CECR2: variants seen among roughly 807,000 people sequenced by gnomAD.
CECR2 encodes the protein chromatin remodeling regulator CECR2.
In CECR2, 30 loss-of-function variants were observed where a neutral mutation model predicts 154.5. That is an observed-to-expected ratio of 0.19 (90% CI 0.15 to 0.26). The LOEUF is 0.26. Among genes scored for constraint, CECR2 ranks in the 10% least tolerant of loss-of-function variants. The pLI is 1.00. For synonymous variants in CECR2, 725 were observed against 683.7 expected, an observed-to-expected ratio of 1.06 and a Z score of -0.94; for missense variants, 1,743 against 1,829.3, an observed-to-expected ratio of 0.95 and a Z score of 0.86.
chr22:17,483,694 G>A (rs948312917), intron 2 of CECR2, among the ~76,000 whole-genome samples: 8 of 152,280 alleles, frequency 5.3e-5, no homozygotes, highest in Middle Eastern at 3.4e-3. Flanking sequence ...ATTTTTAAAT[G>A]TCATAGTAAG....
At chr22:17,495,018 A>T (rs528644396) in intron 2 of CECR2, among the ~76,000 whole-genome samples, 163 of 152,268 alleles carry the variant, frequency 1.1e-3, no homozygotes, top group Non-Finnish European at 2.0e-3. Flanking sequence ...TATTTGCCTA[A>T]GCCTTCTTAA....
intron 8 of CECR2, among the ~76,000 whole-genome samples, chr22:17,522,096 G>A (rs2056169154): frequency 6.6e-6 from 1 of 152,004 alleles, no homozygotes; most frequent in African/African-American, 2.4e-5. Context: ...CCTCTGTTCT[G>A]TTCCATTGGT....
chr22:17,524,305 C>A, intron 9 of CECR2, 34 bp downstream of exon 9: 1 of 1,597,866 alleles, frequency 6.3e-7, no homozygotes, highest in Non-Finnish European at 8.5e-7. Flanking sequence ...TGGAGAGGTG[C>A]ATGTCTGTCG....
chr22:17,378,914 A>C (rs138936749), intron 1 of CECR2, among the ~76,000 whole-genome samples: 1 of 152,284 alleles, frequency 6.6e-6, no homozygotes, highest in East Asian at 1.9e-4. Flanking sequence ...GTCATCAGCA[A>C]TTGTACATGT....
In CECR2 at chr22:17,542,664, C is replaced by A; in HGVS notation, c.2521C>A (p.Arg841=). ...TGGAGTTCCTTCCTCAGGGTACATG[C>A]GACCGCCCTGCAAGTCTGCCGGACA... ...PHGVPSSGYM[R]PPCKSAGHRL... The change falls in exon 16 of 19, where the codon CGA becomes AGA. Residue 841 remains arginine (R), a synonymous_variant. Transcript: ENST00000262608. The A allele has an allele frequency of 6.2e-7, 1 of 1,614,020 alleles. No homozygotes were observed. Among genetic ancestry groups the A allele is most frequent in the Non-Finnish European group, 8.5e-7 (1 of 1,179,902 alleles).
chr22:17,438,694 A>C (rs902888516), intron 1 of CECR2, among the ~76,000 whole-genome samples: 5 of 152,058 alleles, frequency 3.3e-5, no homozygotes, highest in African/African-American at 1.2e-4. Flanking sequence ...GTGGCCCAAA[A>C]CAATTCTTCT....
intron 8 of CECR2, among the ~76,000 whole-genome samples, chr22:17,515,767 C>A (rs1248561577): frequency 1.3e-5 from 2 of 152,050 alleles, no homozygotes; most frequent in African/African-American, 4.8e-5. Context: ...GCTCCACCTC[C>A]CAGGTTCAAG....
intron 1 of CECR2, among the ~76,000 whole-genome samples, chr22:17,458,420 A>G (rs143078728): frequency 0.012 from 1,745 of 151,660 alleles, 27 homozygotes; most frequent in African/African-American, 0.038. Context: ...TCTCCAAAAA[A>G]AAAAAAAAAG....
chr22:17,442,512 G>C (rs2054600224), intron 1 of CECR2, among the ~76,000 whole-genome samples: 1 of 152,118 alleles, frequency 6.6e-6, no homozygotes, highest in African/African-American at 2.4e-5. Context: ...GGAGTTCAAG[G>C]CTTGCAGTGA....
intron 1 of CECR2, among the ~76,000 whole-genome samples, chr22:17,407,147 ACT>A (rs1023346910): frequency 4.1e-4 from 62 of 152,010 alleles, no homozygotes; most frequent in African/African-American, 1.4e-3. Context: ...CTTAAGATAA[ACT>A]CTTTTCATAG....
chr22:17,430,892 A>G (rs2054411276), intron 1 of CECR2, among the ~76,000 whole-genome samples: 1 of 152,178 alleles, frequency 6.6e-6, no homozygotes, highest in Admixed American at 6.5e-5. Flanking sequence ...ATTATTTACC[A>G]TGATTATGCT....
chr22:17,533,590 A>G (rs1341571803), intron 9 of CECR2, among the ~76,000 whole-genome samples: 3 of 150,812 alleles, frequency 2.0e-5, no homozygotes, highest in Non-Finnish European at 3.0e-5. Context: ...AAATCACACC[A>G]TTGCACTCCA....
upstream of CECR2, among the ~76,000 whole-genome samples, chr22:17,365,654 C>G (rs1231614299): frequency 6.6e-6 from 1 of 152,064 alleles, no homozygotes; most frequent in South Asian, 2.1e-4. Flanking sequence ...CAAGATGGCA[C>G]CACTGCACTC....
At chr22:17,512,720 AAAAAGAAAG>A (rs1226261974) in intron 8 of CECR2, among the ~76,000 whole-genome samples, 2,824 of 150,208 alleles carry the variant, frequency 0.019, 85 homozygotes, top group African/African-American at 0.067. Context: ...AAAAAAAAAA[AAAAAGAAAG>A]AAAGAAAAGA....
At chr22:17,506,684 C>T (rs533456803) in intron 7 of CECR2, among the ~76,000 whole-genome samples, 19 of 152,132 alleles carry the variant, frequency 1.2e-4, no homozygotes, top group South Asian at 2.1e-4. Flanking sequence ...GACAGAGACT[C>T]GCTCTGTCAC....
intron 1 of CECR2, among the ~76,000 whole-genome samples, chr22:17,380,629 C>T (rs2063176350): frequency 6.6e-6 from 1 of 152,120 alleles, no homozygotes; most frequent in Non-Finnish European, 1.5e-5. Context: ...CTGTGTGTAC[C>T]CTCCCTTGCT....
chr22:17,364,260 G>A (rs866694729), intron 1 of CECR2, among the ~76,000 whole-genome samples: 3 of 150,002 alleles, frequency 2.0e-5, no homozygotes, highest in Non-Finnish European at 4.4e-5. Context: ...GGAGAATGGC[G>A]TGAACCTGGG....
chr22:17,376,454 A>G (rs1468967465), intron 1 of CECR2, among the ~76,000 whole-genome samples: 2 of 151,882 alleles, frequency 1.3e-5, no homozygotes, highest in African/African-American at 2.4e-5. Flanking sequence ...CCTTTGATCA[A>G]GGGAGCTCAG....
chr22:17,541,061 G>A (rs186546063), intron 14 of CECR2, among the ~76,000 whole-genome samples: 36 of 152,260 alleles, frequency 2.4e-4, no homozygotes, highest in African/African-American at 8.4e-4. Context: ...TGGGATTATA[G>A]GCATGAGCCA....
Sources: allele counts gnomAD v4.1 joint callset (sites outside exome capture counted in the v4.1 genomes callset), GRCh38; gene constraint gnomAD v4.1.1; transcripts MANE v1.5; gene names NCBI Gene and HGNC (gene_info 2026-07-23, HGNC 2026-07-21).